Variants in RNF2 observed in about 807,000 individuals in gnomAD.
RNF2 encodes ring finger protein 2.
In RNF2, 6 loss-of-function variants were observed where a neutral mutation model predicts 37.2. The ratio of observed to expected loss-of-function variants is 0.16; its 90% CI spans 0.09 to 0.32. RNF2 has a LOEUF of 0.32. Ranked by LOEUF, RNF2 falls within the 10% of genes least tolerant of loss-of-function variation. RNF2 has a pLI of 1.00. For missense variants in RNF2, 251 were observed against 404.0 expected (o/e 0.62, Z 3.25); for synonymous variants, 133 against 132.7 (o/e 1.00, Z -0.02).
At chr1:185,055,814 T>A (rs1650418938) in intron 1 of RNF2, among the ~76,000 whole-genome samples, 1 of 152,210 alleles carries the variant, frequency 6.6e-6, no homozygotes, top group Admixed American at 6.5e-5. Flanking sequence ...ATCTGTTGTT[T>A]AGTTTTATGA....
intron 1 of RNF2, among the ~76,000 whole-genome samples, chr1:185,056,397 T>C (rs1444101684): frequency 6.6e-6 from 1 of 151,902 alleles, no homozygotes; most frequent in Non-Finnish European, 1.5e-5. Context: ...CTCCCTCTGC[T>C]GTGCAGACTG....
intron 1 of RNF2, among the ~76,000 whole-genome samples, chr1:185,064,470 A>G (rs1650740914): frequency 6.6e-6 from 1 of 152,240 alleles, no homozygotes; most frequent in African/African-American, 2.4e-5. Context: ...TTACAGTGGT[A>G]CAAAAGCAAT....
At chr1:185,077,256 A>G (rs1241029719) in intron 1 of RNF2, among the ~76,000 whole-genome samples, 2 of 151,618 alleles carry the variant, frequency 1.3e-5, no homozygotes, top group Non-Finnish European at 2.9e-5. Flanking sequence ...TGATACTTTG[A>G]TCACTTCCTT....
chr1:185,055,546 C>G (rs1167964230), intron 1 of RNF2, among the ~76,000 whole-genome samples: 1 of 152,144 alleles, frequency 6.6e-6, no homozygotes, highest in African/African-American at 2.4e-5. Flanking sequence ...TCCTGAGTAG[C>G]TGGGATTACA....
intron 1 of RNF2, among the ~76,000 whole-genome samples, chr1:185,056,748 G>T (rs1404605520): frequency 4.6e-5 from 7 of 151,096 alleles, no homozygotes; most frequent in Middle Eastern, 6.9e-3. Flanking sequence ...TTTGGAGGTA[G>T]TTTAAGAGCT....
intron 1 of RNF2, among the ~76,000 whole-genome samples, chr1:185,062,908 C>G (rs1451753481): frequency 6.6e-6 from 1 of 152,060 alleles, no homozygotes; most frequent in Non-Finnish European, 1.5e-5. Flanking sequence ...TATCATTTCC[C>G]TCCCACTTAT....
intron 1 of RNF2, among the ~76,000 whole-genome samples, chr1:185,059,944 T>G (rs77336081): frequency 0.032 from 4,872 of 152,268 alleles, 257 homozygotes; most frequent in African/African-American, 0.11. Flanking sequence ...CAGATTTAAT[T>G]TGCCAACAGA....
At chr1:185,055,939 C>T (rs1453425072) in intron 1 of RNF2, among the ~76,000 whole-genome samples, 1 of 151,888 alleles carries the variant, frequency 6.6e-6, no homozygotes, top group Non-Finnish European at 1.5e-5. Context: ...CTGTGGGGTG[C>T]TATCCTCTAG....
At chr1:185,091,807 A>G in intron 3 of RNF2, 68 bp downstream of exon 3, 1 of 1,423,830 alleles carries the variant, frequency 7.0e-7, no homozygotes, top group Non-Finnish European at 9.6e-7. Flanking sequence ...AGGGTTTGAG[A>G]AATACATTTT....
At position 185,101,345 on chromosome 1, in the gene RNF2, T is replaced by TAAAA. The variant is rs750307173; in HGVS notation, c.*1046_*1047insAAAA. ...TCAGTTTATAAATTTGGCGCTCTTTTAATTACACTCTGTAGAAGGTTAATA... is the reference window on the plus strand; with the variant it reads ...TCAGTTTATAAATTTGGCGCTCTTTTAAAAAATTACACTCTGTAGAAGGTTAATA... On this transcript the variant is annotated 3_prime_UTR_variant, in exon 7 of 7. Coordinates refer to ENST00000367510, the MANE Select transcript of RNF2 (RefSeq NM_007212.4). 6.6e-6 allele frequency: 1 copy of TAAAA among 152,600 alleles called. No homozygotes were observed. Among genetic ancestry groups the TAAAA allele is most frequent in the African/African-American group, 2.4e-5 (1 of 41,446 alleles). The allele number at this position is 152,600 out of a possible 1,614,324, so 9.5% of individuals were successfully genotyped here.
chr1:185,081,945 G>A (rs933753232), intron 1 of RNF2, among the ~76,000 whole-genome samples: 9 of 151,982 alleles, frequency 5.9e-5, no homozygotes, highest in African/African-American at 2.2e-4. Flanking sequence ...CTTTTTTTTG[G>A]TGCATGTTTG....
At position 185,100,542 on chromosome 1, in the gene RNF2, TG is replaced by T; in HGVS notation, c.*242del. The T allele has an allele frequency of 7.1e-6, 2 of 281,664 alleles. No individual in the cohort carries two copies. Among genetic ancestry groups the T allele is most frequent in the African/African-American group, 3.0e-5 (1 of 33,548 alleles). The allele number at this position is 281,664 out of a possible 1,614,324, so 17.4% of individuals were successfully genotyped here. ...AAAAAAATATATCTGAAGTTTCTTG[TG>T]TTTTTTTTTTTCCCCACAAAGTGTG... On this transcript the variant is annotated 3_prime_UTR_variant, in exon 7 of 7. Coordinates refer to ENST00000367510, the MANE Select transcript of RNF2 (RefSeq NM_007212.4).
At chr1:185,069,521 G>C (rs1293465420) in intron 1 of RNF2, among the ~76,000 whole-genome samples, 1 of 151,822 alleles carries the variant, frequency 6.6e-6, no homozygotes, top group Non-Finnish European at 1.5e-5. Context: ...TAAGGGCTGA[G>C]CTATGAGTTC....
At chr1:185,064,584 A>G (rs1375721690) in intron 1 of RNF2, among the ~76,000 whole-genome samples, 1 of 152,156 alleles carries the variant, frequency 6.6e-6, no homozygotes, top group African/African-American at 2.4e-5. Context: ...TATATTTTCA[A>G]CTTACTGTGG....
At position 185,091,704 on chromosome 1, in the gene RNF2, T is replaced by C; in HGVS notation, c.213T>C (p.Phe71=). 1 of 1,614,200 alleles carries C rather than the reference T, an allele frequency of 6.2e-7. No homozygotes were observed. The highest frequency in any genetic ancestry group is 1.3e-5 in the African/African-American group (1 of 75,062). ...TMTTKECLHR[F]CADCIITALR... is the part of the protein sequence containing the mutation. ...CTACAAAGGAGTGTTTACATCGTTT[T>C]TGTGCAGACTGCATCATCACAGCCC... Residue 71 remains phenylalanine (F), a synonymous_variant, in exon 3 of 7, where the codon TTT becomes TTC. Coordinates refer to ENST00000367510, the MANE Select transcript of RNF2 (RefSeq NM_007212.4).
At chr1:185,080,340 G>T (rs1424274193) in intron 1 of RNF2, among the ~76,000 whole-genome samples, 2 of 152,226 alleles carry the variant, frequency 1.3e-5, no homozygotes, top group Admixed American at 6.5e-5. Flanking sequence ...AGGCAGAAAT[G>T]TAGCTTCTCA....
chr1:185,047,685 T>C (rs1169910796), intron 1 of RNF2, among the ~76,000 whole-genome samples: 1 of 152,226 alleles, frequency 6.6e-6, no homozygotes, highest in Non-Finnish European at 1.5e-5. Context: ...ATTATGGCAG[T>C]GTTTCTAGTA....
chr1:185,049,423 A>G (rs1650210887), intron 1 of RNF2, among the ~76,000 whole-genome samples: 1 of 152,214 alleles, frequency 6.6e-6, no homozygotes, highest in African/African-American at 2.4e-5. Context: ...AGTTTAAATC[A>G]CAAAAATTAT....
chr1:185,089,372 G>A (rs1383040072), intron 2 of RNF2, among the ~76,000 whole-genome samples: 1 of 152,160 alleles, frequency 6.6e-6, no homozygotes, highest in African/African-American at 2.4e-5. Flanking sequence ...CAAACATCAT[G>A]CCATTTTTTT....
Sources: gnomAD v4.1 joint callset for allele counts (sites outside exome capture counted in the v4.1 genomes callset) on GRCh38, gnomAD v4.1.1 for gene constraint, MANE v1.5 for transcripts, NCBI Gene and HGNC (gene_info 2026-07-23, HGNC 2026-07-21) for gene names.